The following TRPC3 variants were observed in gnomAD, a reference collection of about 807,000 sequenced individuals.
TRPC3 encodes transient receptor potential cation channel subfamily C member 3.
In TRPC3, 54 loss-of-function variants were observed where a neutral mutation model predicts 90.9. That is an observed-to-expected ratio of 0.59 (90% CI 0.48 to 0.75). The LOEUF is 0.75. TRPC3 is among the 30% of genes least tolerant of loss of function. TRPC3 has a pLI of 0.00. For missense variants in TRPC3, 918 were observed against 1,194.5 expected (o/e 0.77, Z 3.41); for synonymous variants, 424 against 450.9 (o/e 0.94, Z 0.75).
At chr4:121,929,658 G>T (rs887948075) in intron 2 of TRPC3, among the ~76,000 whole-genome samples, 2 of 151,838 alleles carry the variant, frequency 1.3e-5, no homozygotes, top group South Asian at 4.2e-4. Flanking sequence ...ACCTCTTAGG[G>T]TATTGACCTT....
intron 1 of TRPC3, 33 bp from the exon 2 acceptor site, chr4:121,933,075 A>G: frequency 3.3e-6 from 5 of 1,524,110 alleles, no homozygotes; most frequent in Non-Finnish European, 4.4e-6. Flanking sequence ...CAACTGTAGA[A>G]TATTAGGGCA....
rs959592245 is a variant in TRPC3, at chr4:121,875,431, G to A, written c.*4305C>T. Reference sequence around the variant, plus strand: ...AAAGATTTCAACCTACTAATTTTAAGTATTCCTCAAATAATTAATTAGCAG... The same window carrying A: ...AAAGATTTCAACCTACTAATTTTAAATATTCCTCAAATAATTAATTAGCAG... On this transcript the variant is annotated 3_prime_UTR_variant, in exon 12 of 12. Coordinates refer to ENST00000379645, the MANE Select transcript of TRPC3 (RefSeq NM_001130698.2). Among the ~76,000 whole-genome samples, 2 of 152,130 alleles carry A rather than the reference G, an allele frequency of 1.3e-5. No individual in the cohort carries two copies. The highest frequency in any genetic ancestry group is 2.9e-5 in the Non-Finnish European group (2 of 68,006).
chr4:121,887,739 C>T (rs1159973128), intron 10 of TRPC3, among the ~76,000 whole-genome samples: 1 of 152,120 alleles, frequency 6.6e-6, no homozygotes, highest in East Asian at 1.9e-4. Context: ...ACAATAAATT[C>T]CTATTTCTTA....
At chr4:121,916,679 C>T (rs1729329375) in intron 3 of TRPC3, among the ~76,000 whole-genome samples, 1 of 152,026 alleles carries the variant, frequency 6.6e-6, no homozygotes, top group Non-Finnish European at 1.5e-5. Context: ...TGCTGGCATC[C>T]TCATTTTGGA....
chr4:121,933,189 A>C (rs1410048363), intron 1 of TRPC3, 147 bp from the exon 2 acceptor site: 1 of 1,345,290 alleles, frequency 7.4e-7, no homozygotes, highest in Non-Finnish European at 9.6e-7. Flanking sequence ...ACCGTTGCTA[A>C]CTACTCGCCT....
intron 3 of TRPC3, among the ~76,000 whole-genome samples, chr4:121,923,372 A>G (rs1309211737): frequency 1.3e-5 from 2 of 152,136 alleles, no homozygotes; most frequent in Non-Finnish European, 2.9e-5. Context: ...GGATTCTGTG[A>G]GCTTCCTCAA....
At chr4:121,924,837 A>T (rs1437745610) in intron 3 of TRPC3, among the ~76,000 whole-genome samples, 181 bp downstream of exon 3, 1 of 152,222 alleles carries the variant, frequency 6.6e-6, no homozygotes, top group Non-Finnish European at 1.5e-5. Flanking sequence ...TGCTGGGATT[A>T]CAGGCACATG....
intron 3 of TRPC3, among the ~76,000 whole-genome samples, chr4:121,921,531 A>AG (rs1310937056): frequency 2.6e-5 from 4 of 151,366 alleles, no homozygotes; most frequent in African/African-American, 9.7e-5. Flanking sequence ...CAAAAAAAAA[A>AG]AAAAAAAAAA....
intron 3 of TRPC3, among the ~76,000 whole-genome samples, chr4:121,921,913 T>G (rs944831422): frequency 5.1e-5 from 6 of 116,790 alleles, no homozygotes; most frequent in South Asian, 2.7e-4. Flanking sequence ...TTTTGGGTTT[T>G]TTTTTGTTTT....
chr4:121,879,666 A>T lies in TRPC3; in HGVS notation c.*70T>A. On this transcript the variant is annotated 3_prime_UTR_variant, in exon 12 of 12. Transcript: ENST00000379645. ...TAAAAATTTACATCATAGTTTTTCAAGTATTTCATACTTAGAAATATTATT... is the reference window on the plus strand; with the variant it reads ...TAAAAATTTACATCATAGTTTTTCATGTATTTCATACTTAGAAATATTATT... 1 of 1,514,094 alleles carries T rather than the reference A, an allele frequency of 6.6e-7. No individual in the cohort carries two copies. Among genetic ancestry groups the T allele is most frequent in the Non-Finnish European group, 8.9e-7 (1 of 1,128,924 alleles). 93.8% of individuals were successfully genotyped at this position (1,514,094 alleles called of 1,614,324 possible).
Position 121,925,041 on chromosome 4 carries a change from C to T in TRPC3, c.1153G>A (p.Ala385Thr). ...HKASLSRVKL[A>T]IKYEVKKFVA... ...ACCTTTTTGACTTCATACTTAATGG[C>T]AAGTTTGACACGACTTAATGAAGCT... Residue 385 changes from alanine (A) to threonine (T), a missense_variant, in exon 3 of 12, where the codon GCC becomes ACC. Coordinates refer to ENST00000379645, the MANE Select transcript of TRPC3 (RefSeq NM_001130698.2). 6.2e-7 allele frequency: 1 copy of T among 1,612,454 alleles called. No individual in the cohort carries two copies. Among genetic ancestry groups the T allele is most frequent in the Non-Finnish European group, 8.5e-7 (1 of 1,179,456 alleles).
chr4:121,927,630 AC>A (rs1368332679), intron 2 of TRPC3, among the ~76,000 whole-genome samples: 1 of 152,224 alleles, frequency 6.6e-6, no homozygotes, highest in East Asian at 1.9e-4. Context: ...GATGAGCAAA[AC>A]CACGTCATCA....
intron 10 of TRPC3, among the ~76,000 whole-genome samples, chr4:121,889,504 C>A (rs531590876): frequency 6.6e-6 from 1 of 152,194 alleles, no homozygotes; most frequent in East Asian, 1.9e-4. Flanking sequence ...CAGAGAAATG[C>A]AAATCAAAAC....
At chr4:121,895,394 A>C (rs568946342) in intron 10 of TRPC3, among the ~76,000 whole-genome samples, 77 of 152,272 alleles carry the variant, frequency 5.1e-4, no homozygotes, top group African/African-American at 1.8e-3. Context: ...AAATCAACAA[A>C]ACAAAGTTTT....
At chr4:121,891,019 T>G (rs1728307622) in intron 10 of TRPC3, among the ~76,000 whole-genome samples, 1 of 151,986 alleles carries the variant, frequency 6.6e-6, no homozygotes, top group Non-Finnish European at 1.5e-5. Flanking sequence ...AAGGCCATAG[T>G]GTATGCCAGG....
At chr4:121,903,593 T>C (rs1256936916) in intron 8 of TRPC3, among the ~76,000 whole-genome samples, 1 of 152,216 alleles carries the variant, frequency 6.6e-6, no homozygotes, top group African/African-American at 2.4e-5. Flanking sequence ...GAACTTGTTT[T>C]ACATCTCCTT....
rs1359944553 is a variant in TRPC3, at chr4:121,875,316, TATG to T, written c.*4417_*4419del. ...AAAACAATACAAAAAGTTTGCATAA[TATG>T]ATATTTGGAATTCTTTGATTTTGCA... On this transcript the variant is annotated 3_prime_UTR_variant, in exon 12 of 12. Transcript: ENST00000379645. Among the ~76,000 whole-genome samples the T allele has an allele frequency of 1.3e-5, 2 of 152,226 alleles. No individual in the cohort carries two copies. Among genetic ancestry groups the T allele is most frequent in the Non-Finnish European group, 2.9e-5 (2 of 68,026 alleles).
intron 2 of TRPC3, among the ~76,000 whole-genome samples, chr4:121,926,291 T>C (rs1259208395): frequency 6.6e-6 from 1 of 152,222 alleles, no homozygotes; most frequent in Non-Finnish European, 1.5e-5. Flanking sequence ...TCCTCACTTT[T>C]CCTTTAAAAA....
chr4:121,897,453 C>CAAAAAAA (rs70950860), intron 10 of TRPC3, among the ~76,000 whole-genome samples: 25 of 43,430 alleles, frequency 5.8e-4, no homozygotes, highest in Non-Finnish European at 7.7e-4. Flanking sequence ...ATCTCAACAG[C>CAAAAAAA]AAAAAAAAAA....
Sources: allele counts gnomAD v4.1 joint callset (sites outside exome capture counted in the v4.1 genomes callset), GRCh38; gene constraint gnomAD v4.1.1; transcripts MANE v1.5; gene names NCBI Gene and HGNC (gene_info 2026-07-23, HGNC 2026-07-21).